Variants in PAK6 observed in about 807,000 individuals in gnomAD.
PAK6 encodes serine/threonine-protein kinase PAK 6.
In PAK6, 33 loss-of-function variants were observed where a neutral mutation model predicts 60.8. The ratio of observed to expected loss-of-function variants is 0.54; its 90% CI spans 0.41 to 0.73. The LOEUF is 0.73. PAK6 is among the 30% of genes least tolerant of loss of function. PAK6 has a pLI of 0.00. For synonymous variants in PAK6, 404 were observed against 378.5 expected, an observed-to-expected ratio of 1.07 and a Z score of -0.78; for missense variants, 845 against 904.1, an observed-to-expected ratio of 0.93 and a Z score of 0.84.
intron 2 of PAK6, among the ~76,000 whole-genome samples, chr15:40,244,139 G>C (rs1331429685): frequency 6.6e-6 from 1 of 152,052 alleles, no homozygotes; most frequent in African/African-American, 2.4e-5. Flanking sequence ...AGACCATCCT[G>C]GCCAACATGG....
exon 5 of PAK6, chr15:40,266,410 G>A (rs746529258): frequency 1.5e-5 from 25 of 1,612,950 alleles, no homozygotes; most frequent in East Asian, 4.5e-5. Flanking sequence ...AGCCTGAAGC[G>A]CAGGCTATTC....
At chr15:40,241,115 C>T (rs575146076) in intron 2 of PAK6, among the ~76,000 whole-genome samples, 2 of 152,328 alleles carry the variant, frequency 1.3e-5, no homozygotes, top group South Asian at 2.1e-4. Context: ...TGAAACTCAG[C>T]ATCAGGGCAG....
Position 40,272,538 on chromosome 15 carries a change from G to A in PAK6, c.1173G>A (p.Lys391=), listed in dbSNP as rs539392829. 3.1e-6 allele frequency: 5 copies of A among 1,613,776 alleles called. 1 individual carries two copies. In the East Asian group the frequency reaches 1.1e-4, roughly 36 times the overall value. ...GTGTTGTGACACATGAGCAGTTCAA[G>A]GCTGCGCTCAGGATGGTGGTGGACC... Residue 391 remains lysine (K), a synonymous_variant, in exon 6 of 11, where the codon AAG becomes AAA. Coordinates refer to ENST00000560346, the Ensembl canonical transcript of PAK6.
At chr15:40,252,146 G>C in intron 2 of PAK6, 1 of 563,356 alleles carries the variant, frequency 1.8e-6, no homozygotes, top group Non-Finnish European at 2.7e-6. Flanking sequence ...AAGGTGACAG[G>C]TTTTCCGACT....
chr15:40,264,672 G>C, intron 3 of PAK6, 109 bp from the exon 4 acceptor site: 1 of 868,080 alleles, frequency 1.2e-6, no homozygotes, highest in Non-Finnish European at 1.9e-6. Context: ...TAGGCTTCTA[G>C]GGGAGCTGTG....
chr15:40,257,726 T>C (rs563244326), intron 3 of PAK6, among the ~76,000 whole-genome samples: 1 of 152,288 alleles, frequency 6.6e-6, no homozygotes, highest in East Asian at 1.9e-4. Context: ...CCCTGATGGC[T>C]CTGGTGGCCC....
exon 5 of PAK6, chr15:40,266,064 C>T (rs1329656142): frequency 1.2e-6 from 2 of 1,610,338 alleles, no homozygotes; most frequent in African/African-American, 2.7e-5. Flanking sequence ...CCCCCACGGC[C>T]TCTACCTCAG....
chr15:40,266,611 T>G, intron 5 of PAK6, 116 bp downstream of exon 5: 2 of 1,058,728 alleles, frequency 1.9e-6, no homozygotes. Context: ...TGCTTCCGCC[T>G]AAGGCGGCAG....
chr15:40,263,643 C>G (rs2039040635), intron 3 of PAK6, among the ~76,000 whole-genome samples: 1 of 152,194 alleles, frequency 6.6e-6, no homozygotes, highest in African/African-American at 2.4e-5. Flanking sequence ...GAGACAGAGT[C>G]TCATTCTGTT....
exon 10 of PAK6, chr15:40,274,167 T>C (rs1369160765): frequency 6.2e-7 from 1 of 1,613,934 alleles, no homozygotes; most frequent in East Asian, 2.2e-5. Flanking sequence ...CTGGGCATCA[T>C]GGTGATTGAG....
chr15:40,240,562 C>CTTTGTTTTTTTTTTTTT, intron 1 of PAK6, 37 bp from the exon 2 acceptor site: 1 of 320,512 alleles, frequency 3.1e-6, no homozygotes, highest in Non-Finnish European at 5.7e-6. Context: ...TTTTCTTTTC[C>CTTTGTTTTTTTTTTTTT]TTTTTTTTTT....
intron 2 of PAK6, chr15:40,246,403 T>G (rs1450483943): frequency 6.6e-6 from 1 of 152,226 alleles, no homozygotes; most frequent in Non-Finnish European, 1.5e-5. Flanking sequence ...AAGAAGACTT[T>G]TTCTATTCCA....
In PAK6 at chr15:40,274,832, C is replaced by T. The variant is rs147147647; in HGVS notation, c.1878+556C>T. On this transcript the variant is annotated intron_variant, in intron 10 of 10. Coordinates refer to ENST00000560346, the Ensembl canonical transcript of PAK6. ...CCAAATCGGCCCCAACCCCGCAGGC[C>T]TTACTGTGGACGCCCCCTGCTGGCA... 2.7e-3 allele frequency among the ~76,000 whole-genome samples: 404 copies of T among 152,336 alleles called. 1 individual carries two copies. Among genetic ancestry groups the T allele is most frequent in the African/African-American group, 9.3e-3 (388 of 41,572 alleles).
chr15:40,248,970 G>T (rs1396151276), intron 2 of PAK6, among the ~76,000 whole-genome samples: 2 of 152,168 alleles, frequency 1.3e-5, no homozygotes, highest in Non-Finnish European at 2.9e-5. Flanking sequence ...TTTCTGGACT[G>T]GATAACAAAA....
rs138799458 is a variant in PAK6 at position 40,268,871 on chromosome 15, A to G, written c.858+2376A>G. Among the ~76,000 whole-genome samples the G allele has an allele frequency of 1.0e-3, 154 of 152,324 alleles. 3 individuals carry two copies. The highest frequency in any genetic ancestry group is 3.6e-3 in the African/African-American group (151 of 41,568). ...ATATATGTCAAGGATACATGGCACC[A>G]GTGGGATTGCAGCATGGGAGTCAGC... is the stretch of plus-strand genomic sequence containing the variant. On this transcript the variant is annotated intron_variant, in intron 5 of 10. Transcript: ENST00000560346.
At chr15:40,246,965 G>A (rs1393389377) in intron 2 of PAK6, 1 of 152,370 alleles carries the variant, frequency 6.6e-6, no homozygotes, top group Non-Finnish European at 1.5e-5. Context: ...CCAAAGTGTT[G>A]GAGGTGGGCC....
exon 4 of PAK6, chr15:40,264,843 C>T: frequency 6.2e-7 from 1 of 1,614,018 alleles, no homozygotes; most frequent in Non-Finnish European, 8.5e-7. Context: ...GAACTTCCAG[C>T]ACCGTGTCCA....
rs117899716 is a variant in PAK6 at position 40,263,453 on chromosome 15, G to C, written c.-5-1328G>C. Among the ~76,000 whole-genome samples the C allele has an allele frequency of 7.8e-3, 1,186 of 152,176 alleles. 3 individuals carry two copies. Among genetic ancestry groups the C allele is most frequent in the Non-Finnish European group, 0.012 (840 of 67,998 alleles). On this transcript the variant is annotated intron_variant, in intron 3 of 10. Transcript: ENST00000560346. ...AAGGCGAAACTAGAGCAACCCTTTG[G>C]AAGTGTCCCTCCCCTTCCCAGGCCC...
exon 4 of PAK6, chr15:40,264,944 G>A (rs1018457926): frequency 1.9e-6 from 3 of 1,613,606 alleles, no homozygotes; most frequent in African/African-American, 1.3e-5. Context: ...CCAAGCCCGT[G>A]GTGGACCCTT....
Sources: allele counts gnomAD v4.1 joint callset (sites outside exome capture counted in the v4.1 genomes callset), GRCh38; gene constraint gnomAD v4.1.1; transcripts MANE v1.5; gene names NCBI Gene and HGNC (gene_info 2026-07-23, HGNC 2026-07-21).